The following MYO16 variants were observed in gnomAD, a reference collection of about 807,000 sequenced individuals.
MYO16 encodes the protein myosin XVI, also known as unconventional myosin-XVI.
MYO16 carries 94 observed loss-of-function variants against 205.3 expected under a neutral mutation model. That is an observed-to-expected ratio of 0.46 (90% CI 0.39 to 0.54). The LOEUF is 0.54. MYO16 is among the 20% of genes least tolerant of loss of function. MYO16 has a pLI of 0.00. For synonymous variants in MYO16, 988 were observed against 954.0 expected (o/e 1.04, Z -0.66); for missense variants, 2,315 against 2,387.5 (o/e 0.97, Z 0.63).
In MYO16 at chr13:108,682,507, T is replaced by C. The variant is rs564869966; in HGVS notation, c.292+16358T>C. Among the ~76,000 whole-genome samples, 17 of 151,842 alleles carry C rather than the reference T, an allele frequency of 1.1e-4. No individual in the cohort carries two copies. The South Asian group carries it at 3.5e-3, about 32-fold the overall frequency. On this transcript the variant is annotated intron_variant, in intron 2 of 34. Transcript: ENST00000457511. ...AGGCTCAAGCCACTCCACACATCAA[T>C]CAAGATTGCAAACCATATATACTAG... is the stretch of plus-strand genomic sequence containing the variant.
intron 24 of MYO16, chr13:109,048,319 C>G: frequency 1.4e-6 from 1 of 734,366 alleles, no homozygotes; most frequent in Non-Finnish European, 2.5e-6. Flanking sequence ...ACAATTCAGT[C>G]TTTTTTTTTA....
chr13:108,935,437 A>T (rs1350217672), intron 16 of MYO16, among the ~76,000 whole-genome samples: 1 of 152,118 alleles, frequency 6.6e-6, no homozygotes, highest in Non-Finnish European at 1.5e-5. Context: ...GTGTATAGAA[A>T]TGCTACAGAT....
At chr13:108,759,759 G>T (rs745721090) in intron 4 of MYO16, among the ~76,000 whole-genome samples, 4 of 150,954 alleles carry the variant, frequency 2.6e-5, no homozygotes, top group Non-Finnish European at 4.4e-5. Context: ...AGGCGGAGTT[G>T]CAGTGAGCCG....
At chr13:109,147,835 T>C (rs889333894) in intron 32 of MYO16, among the ~76,000 whole-genome samples, 3 of 152,120 alleles carry the variant, frequency 2.0e-5, no homozygotes, top group African/African-American at 7.2e-5. Flanking sequence ...AATCAATGCA[T>C]AATTTTCCTC....
chr13:109,114,939 T>C (rs1875599786), intron 28 of MYO16, among the ~76,000 whole-genome samples: 1 of 152,202 alleles, frequency 6.6e-6, no homozygotes, highest in African/African-American at 2.4e-5. Context: ...GCGTCACTAT[T>C]TTTCTAAACT....
At chr13:108,566,719 AAGGAAGGAAGGAAGGG>A in the MYO16 span, among the ~76,000 whole-genome samples, 23 of 130,888 alleles carry the variant, frequency 1.8e-4, no homozygotes, top group African/African-American at 6.8e-4. Context: ...GGAAAGGAGG[AAGGAAGGAAGGAAGGG>A]AGGAAGGAAG....
chr13:108,753,631 T>A (rs1284217440), intron 4 of MYO16, among the ~76,000 whole-genome samples: 1 of 152,186 alleles, frequency 6.6e-6, no homozygotes, highest in African/African-American at 2.4e-5. Flanking sequence ...GTATTTACTT[T>A]TTAAATTCTA....
chr13:108,884,373 A>G (rs1879759916), intron 13 of MYO16, among the ~76,000 whole-genome samples: 1 of 152,236 alleles, frequency 6.6e-6, no homozygotes, highest in African/African-American at 2.4e-5. Flanking sequence ...CATCCCAAGG[A>G]TGAGGAAGGT....
intron 29 of MYO16, among the ~76,000 whole-genome samples, chr13:109,120,976 G>A (rs1338577917): frequency 6.6e-6 from 1 of 152,090 alleles, no homozygotes; most frequent in Non-Finnish European, 1.5e-5. Context: ...TTGAGGTCAG[G>A]AGTTCCAGCC....
At chr13:108,700,069 A>C (rs533170695) in intron 2 of MYO16, among the ~76,000 whole-genome samples, 21 of 152,286 alleles carry the variant, frequency 1.4e-4, no homozygotes, top group African/African-American at 5.1e-4. Context: ...ATGGTGGTTC[A>C]TGCCTATAAT....
At chr13:109,000,065 G>A (rs1174871049) in intron 21 of MYO16, among the ~76,000 whole-genome samples, 3 of 152,164 alleles carry the variant, frequency 2.0e-5, no homozygotes, top group Non-Finnish European at 4.4e-5. Context: ...AAAAGGAAAT[G>A]TTACAAAGCT....
At chr13:108,791,713 C>T (rs1195385277) in intron 5 of MYO16, among the ~76,000 whole-genome samples, 1 of 152,166 alleles carries the variant, frequency 6.6e-6, no homozygotes, top group Non-Finnish European at 1.5e-5. Context: ...AGAAAAGATA[C>T]CAGATATGCA....
At chr13:109,057,975 G>A (rs1162217649) in intron 27 of MYO16, among the ~76,000 whole-genome samples, 1 of 152,030 alleles carries the variant, frequency 6.6e-6, no homozygotes, top group Non-Finnish European at 1.5e-5. Flanking sequence ...TCCCTCTTTA[G>A]TGTTACCCAA....
chr13:108,827,685 A>G (rs1223486772), intron 9 of MYO16, among the ~76,000 whole-genome samples: 1 of 152,012 alleles, frequency 6.6e-6, no homozygotes, highest in Non-Finnish European at 1.5e-5. Context: ...TTCCTTCCAT[A>G]CTTGACTGCT....
At chr13:108,893,279 A>G (rs960925549) in intron 14 of MYO16, among the ~76,000 whole-genome samples, 1 of 152,350 alleles carries the variant, frequency 6.6e-6, no homozygotes, top group Non-Finnish European at 1.5e-5. Flanking sequence ...TAGAGGGTTT[A>G]GTGAAATTAA....
chr13:108,830,244 G>T lies in MYO16; in HGVS notation c.1097+6966G>T, dbSNP rs1372683927. 1.0e-3 allele frequency among the ~76,000 whole-genome samples: 119 copies of T among 114,110 alleles called. 1 individual carries two copies. Among genetic ancestry groups the T allele is most frequent in the African/African-American group, 3.6e-3 (115 of 32,148 alleles). 74.9% of individuals were successfully genotyped at this position (114,110 alleles called of 152,430 possible). A position where few individuals can be genotyped will look rare whatever the true frequency, so the allele number is the denominator to read the frequency against. On this transcript the variant is annotated intron_variant, in intron 9 of 34. Coordinates refer to ENST00000457511, the MANE Select transcript of MYO16 (RefSeq NM_001198950.3). Reference sequence around the variant, plus strand: ...AGAACTAGAAATACCATTTGACCCAGCCATCCCATTACTGGGTATATACCC... The same window carrying T: ...AGAACTAGAAATACCATTTGACCCATCCATCCCATTACTGGGTATATACCC...
At chr13:108,501,293 G>A in the MYO16 span, among the ~76,000 whole-genome samples, 1,302 of 152,266 alleles carry the variant, frequency 8.6e-3, 76 homozygotes, top group Admixed American at 0.075. Flanking sequence ...AGGCAAGAGT[G>A]CCTGGGGGAG....
chr13:108,711,426 ACTT>A (rs1883717643), intron 2 of MYO16, among the ~76,000 whole-genome samples: 2 of 152,232 alleles, frequency 1.3e-5, no homozygotes, highest in African/African-American at 2.4e-5. Flanking sequence ...CTATTTAGGA[ACTT>A]CTTCTGGATG....
chr13:108,801,036 A>G (rs560215393), intron 6 of MYO16, among the ~76,000 whole-genome samples: 155 of 152,344 alleles, frequency 1.0e-3, no homozygotes, highest in African/African-American at 3.5e-3. Context: ...ATTTTGCATT[A>G]AAGAGTGAGC....
Sources: gnomAD v4.1 joint callset for allele counts (sites outside exome capture counted in the v4.1 genomes callset) on GRCh38, gnomAD v4.1.1 for gene constraint, MANE v1.5 for transcripts, NCBI Gene and HGNC (gene_info 2026-07-23, HGNC 2026-07-21) for gene names.